Variants in TOP3A observed in about 807,000 individuals in gnomAD.
TOP3A encodes DNA topoisomerase III alpha.
In TOP3A, 64 loss-of-function variants were observed where a neutral mutation model predicts 111.3. The observed-to-expected ratio is 0.57, with a 90% confidence interval of 0.47 to 0.71. TOP3A has a LOEUF of 0.71. Ranked by LOEUF, TOP3A falls within the 30% of genes least tolerant of loss-of-function variation. The pLI is 0.00. For synonymous variants in TOP3A, 484 were observed against 485.1 expected, an observed-to-expected ratio of 1.00 and a Z score of 0.03; for missense variants, 1,104 against 1,285.0, an observed-to-expected ratio of 0.86 and a Z score of 2.15.
chr17:18,300,138 C>T (rs1229639690), intron 8 of TOP3A, among the ~76,000 whole-genome samples: 1 of 151,912 alleles, frequency 6.6e-6, no homozygotes, highest in East Asian at 1.9e-4. Flanking sequence ...TGGCTCACGC[C>T]TGTAATCCCA....
chr17:18,283,259 C>T (rs1413913750), intron 15 of TOP3A, among the ~76,000 whole-genome samples: 1 of 152,038 alleles, frequency 6.6e-6, no homozygotes, highest in Non-Finnish European at 1.5e-5. Context: ...ATCCAAGCTA[C>T]TCAGGAGGCT....
chr17:18,303,158 C>T (rs763131344), intron 5 of TOP3A: 16 of 156,518 alleles, frequency 1.0e-4, no homozygotes, highest in Non-Finnish European at 1.6e-4. Flanking sequence ...TAGGCCTGTG[C>T]AGGATGTGCT....
In TOP3A at chr17:18,280,966, C is replaced by G. The variant is rs563189096; in HGVS notation, c.2022-308G>C. ...CTTGCCTTTCTGCCTCGTGCCAAGTCTGGGCAGTGTCAGGGGCCCCCTCAG... is the reference window on the plus strand; with the variant it reads ...CTTGCCTTTCTGCCTCGTGCCAAGTGTGGGCAGTGTCAGGGGCCCCCTCAG... On this transcript the variant is annotated intron_variant, in intron 16 of 18. Transcript: ENST00000321105. Among the ~76,000 whole-genome samples the G allele has an allele frequency of 2.6e-5, 4 of 152,356 alleles. No homozygotes were observed. The South Asian group carries it at 8.3e-4, about 32-fold the overall frequency.
At position 18,274,793 on chromosome 17, in the gene TOP3A, A is replaced by G; in HGVS notation, c.*9T>C. On this transcript the variant is annotated 3_prime_UTR_variant, in exon 19 of 19. Coordinates refer to ENST00000321105, the MANE Select transcript of TOP3A (RefSeq NM_004618.5). ...CTGAGAAAGTGGCGTTCTCTACCCTACCCTGAGCTCATCTGTTCTGAGGAC... is the reference window on the plus strand; with the variant it reads ...CTGAGAAAGTGGCGTTCTCTACCCTGCCCTGAGCTCATCTGTTCTGAGGAC... 6.2e-7 allele frequency: 1 copy of G among 1,613,274 alleles called. No individual in the cohort carries two copies. Among genetic ancestry groups the G allele is most frequent in the Non-Finnish European group, 8.5e-7 (1 of 1,179,486 alleles).
At chr17:18,294,862 C>T (rs891802853) in intron 9 of TOP3A, 77 bp from the exon 10 acceptor site, 24 of 980,328 alleles carry the variant, frequency 2.4e-5, no homozygotes, top group Admixed American at 9.2e-5. Flanking sequence ...AACTCATCTT[C>T]AGTCAAATCT....
chr17:18,277,840 C>T lies in TOP3A; in HGVS notation c.2662G>A (p.Gly888Ser). 1 of 1,614,160 alleles carries T rather than the reference C, an allele frequency of 6.2e-7. No homozygotes were observed. Among genetic ancestry groups the T allele is most frequent in the Non-Finnish European group, 8.5e-7 (1 of 1,180,030 alleles). The part of the protein sequence containing the change: ...GIHLGGFGNP[G>S]DGSGSGTSCL... ...GATGTGCCACTACCACTGCCATCAC[C>T]AGGGTTGCCAAACCCACCTAGGTGG... The change falls in exon 18 of 19, where the codon GGT (glycine) becomes AGT (serine). Residue 888 changes from glycine (G) to serine (S), a missense_variant. Physicochemically the swap from Gly to Ser is moderately conservative, Grantham distance 56. Coordinates refer to ENST00000321105, the MANE Select transcript of TOP3A (RefSeq NM_004618.5).
chr17:18,306,208 T>A (rs567735627), intron 4 of TOP3A, among the ~76,000 whole-genome samples: 61 of 152,038 alleles, frequency 4.0e-4, no homozygotes, highest in Non-Finnish European at 7.1e-4. Flanking sequence ...TCTCAAAAAA[T>A]AAATAAATAA....
intron 5 of TOP3A, among the ~76,000 whole-genome samples, chr17:18,303,637 C>T (rs1981376177): frequency 6.6e-6 from 1 of 152,198 alleles, no homozygotes; most frequent in Non-Finnish European, 1.5e-5. Flanking sequence ...CGTGCACATC[C>T]AGGCACAGCA....
At chr17:18,298,150 C>T (rs1980961057) in intron 9 of TOP3A, among the ~76,000 whole-genome samples, 2 of 151,548 alleles carry the variant, frequency 1.3e-5, no homozygotes, top group Non-Finnish European at 2.9e-5. Context: ...TGCCTGGCAA[C>T]CACCCCGTCT....
chr17:18,278,435 G>T lies in TOP3A; in HGVS notation c.2145-78C>A, dbSNP rs1177390148. 4.5e-6 allele frequency: 6 copies of T among 1,337,202 alleles called. No homozygotes were observed. The South Asian group carries it at 7.9e-5, about 18-fold the overall frequency. The allele number at this position is 1,337,202 out of a possible 1,614,324, so 82.8% of individuals were successfully genotyped here. A position where few individuals can be genotyped will look rare whatever the true frequency, so the allele number is the denominator to read the frequency against. On this transcript the variant is annotated intron_variant, in intron 17 of 18. Transcript: ENST00000321105. ...CCTTAGTCCAGTGAGGGCTGCTTTAGCCCTAGGCCTCTCTCCACCATTCCT... is the reference window on the plus strand; with the variant it reads ...CCTTAGTCCAGTGAGGGCTGCTTTATCCCTAGGCCTCTCTCCACCATTCCT...
At chr17:18,289,815 G>C (rs1980355127) in intron 13 of TOP3A, among the ~76,000 whole-genome samples, 1 of 152,228 alleles carries the variant, frequency 6.6e-6, no homozygotes, top group Non-Finnish European at 1.5e-5. Flanking sequence ...TGCTTCCCAA[G>C]TCATAGGCCT....
At chr17:18,309,426 T>C (rs1039718911) in intron 1 of TOP3A, among the ~76,000 whole-genome samples, 1 of 152,094 alleles carries the variant, frequency 6.6e-6, no homozygotes, top group African/African-American at 2.4e-5. Context: ...TTGGATCACT[T>C]TAGGTCAGGA....
intron 16 of TOP3A, among the ~76,000 whole-genome samples, chr17:18,281,970 A>G (rs1431328518): frequency 1.3e-5 from 2 of 152,198 alleles, no homozygotes; most frequent in Non-Finnish European, 2.9e-5. Flanking sequence ...TAATGCTTAC[A>G]GAGCACCACC....
At position 18,308,385 on chromosome 17, in the gene TOP3A, GT is replaced by G. The variant is rs1981715973; in HGVS notation, c.279del (p.Leu93PhefsTer35). The G allele has an allele frequency of 6.2e-7, 1 of 1,605,752 alleles. No homozygotes were observed. Among genetic ancestry groups the G allele is most frequent in the African/African-American group, 1.3e-5 (1 of 74,776 alleles). ...AACTGCATCTGGAAATCATGAGCCA[GT>G]AAATGTCCAGAAACTGAAGTCATTA... Reference protein sequence around the residue: ...TMVMTSVSGHLLAHDFQMQFR... With the variant: ...TMVMTSVSGHXLAHDFQMQFR... On this transcript the variant is annotated frameshift_variant, in exon 3 of 19. Coordinates refer to ENST00000321105, the MANE Select transcript of TOP3A (RefSeq NM_004618.5). LOFTEE classifies it high-confidence loss of function.
rs151000080 is a variant in TOP3A at position 18,311,404 on chromosome 17, C to T, written c.181-2463G>A. 9.9e-5 allele frequency among the ~76,000 whole-genome samples: 15 copies of T among 152,260 alleles called. No individual in the cohort carries two copies. In the East Asian group the frequency reaches 2.9e-3, roughly 29 times the overall value. On this transcript the variant is annotated intron_variant, in intron 1 of 18. Transcript: ENST00000321105. ...CACTTCCCGGGTTGAAGCGATTCTC[C>T]TGCCTCAGCCTCGTGAGTAGCTGGG...
At chr17:18,300,904 C>A (rs893035911) in intron 8 of TOP3A, among the ~76,000 whole-genome samples, 14 of 152,172 alleles carry the variant, frequency 9.2e-5, no homozygotes, top group African/African-American at 3.4e-4. Flanking sequence ...TAGGACTCTG[C>A]CATGTACAGC....
chr17:18,295,353 G>T (rs1980729151), intron 9 of TOP3A, among the ~76,000 whole-genome samples: 1 of 152,132 alleles, frequency 6.6e-6, no homozygotes, highest in Non-Finnish European at 1.5e-5. Context: ...TTGCCATGCT[G>T]GCCTGGCTGG....
chr17:18,290,089 C>T (rs1980372195), intron 13 of TOP3A, among the ~76,000 whole-genome samples: 1 of 152,206 alleles, frequency 6.6e-6, no homozygotes, highest in African/African-American at 2.4e-5. Context: ...TGGGTTCAGA[C>T]CTGCAGAGAC....
intron 1 of TOP3A, among the ~76,000 whole-genome samples, chr17:18,314,095 TG>T (rs1982090963): frequency 6.6e-6 from 1 of 151,464 alleles, no homozygotes; most frequent in South Asian, 2.1e-4. Context: ...ACCGTGTTGC[TG>T]TAAGTGTGCA....
Sources: allele counts gnomAD v4.1 joint callset (sites outside exome capture counted in the v4.1 genomes callset), GRCh38; gene constraint gnomAD v4.1.1; transcripts MANE v1.5; gene names NCBI Gene and HGNC (gene_info 2026-07-23, HGNC 2026-07-21).